KALRN: variants seen among roughly 807,000 people sequenced by gnomAD.
The protein encoded by KALRN is kalirin RhoGEF kinase.
Under a neutral mutation model 353.7 loss-of-function variants are expected in KALRN, and 70 were observed. The ratio of observed to expected loss-of-function variants is 0.20; its 90% CI spans 0.16 to 0.24. The LOEUF (loss-of-function observed/expected upper bound fraction) is 0.24, where lower values mean the gene tolerates loss of function less well. KALRN is among the 10% of genes least tolerant of loss of function. The pLI, the probability that KALRN is intolerant of heterozygous loss-of-function variation, is 1.00. For missense variants in KALRN, 2,791 were observed against 3,756.7 expected (o/e 0.74, Z 6.72); for synonymous variants, 1,391 against 1,434.8 (o/e 0.97, Z 0.69).
chr3:124,177,766 G>T (rs915940891), intron 1 of KALRN, among the ~76,000 whole-genome samples: 1 of 152,168 alleles, frequency 6.6e-6, no homozygotes, highest in Non-Finnish European at 1.5e-5. Flanking sequence ...GGGGAGGGAT[G>T]GTTCCTACCA....
At chr3:124,576,142 T>C (rs2074067915) in intron 34 of KALRN, among the ~76,000 whole-genome samples, 1 of 151,694 alleles carries the variant, frequency 6.6e-6, no homozygotes, top group African/African-American at 2.4e-5. Context: ...GTCACCTGAT[T>C]AGAGAGGTCT....
chr3:124,693,574 CCAGG>C (rs1199823075), intron 51 of KALRN, among the ~76,000 whole-genome samples: 4 of 152,082 alleles, frequency 2.6e-5, no homozygotes, highest in Admixed American at 6.5e-5. Context: ...CCGCACGCTG[CCAGG>C]CAGGAATGTG....
intron 10 of KALRN, among the ~76,000 whole-genome samples, chr3:124,383,200 C>A (rs991856937): frequency 6.6e-6 from 1 of 152,180 alleles, no homozygotes; most frequent in African/African-American, 2.4e-5. Context: ...TCCTAGAAGC[C>A]AAGACAAGTG....
chr3:124,046,157 A>G (rs1400721403), intron 1 of KALRN, among the ~76,000 whole-genome samples: 1 of 152,162 alleles, frequency 6.6e-6, no homozygotes, highest in Non-Finnish European at 1.5e-5. Context: ...AGGTCCAGTG[A>G]TTTTTTCTTT....
At chr3:124,162,617 T>C (rs763340900) in intron 1 of KALRN, 7 of 152,208 alleles carry the variant, frequency 4.6e-5, no homozygotes, top group Non-Finnish European at 1.0e-4. Context: ...CTTTGCCCTG[T>C]ACAGGGGCCA....
chr3:124,693,536 C>T (rs1230441419), intron 51 of KALRN, among the ~76,000 whole-genome samples: 1 of 152,134 alleles, frequency 6.6e-6, no homozygotes, highest in African/African-American at 2.4e-5. Flanking sequence ...GCTAGCAGAG[C>T]TCCAAGTTAC....
At chr3:124,103,483 T>C (rs2062036280) in intron 1 of KALRN, among the ~76,000 whole-genome samples, 1 of 152,170 alleles carries the variant, frequency 6.6e-6, no homozygotes, top group Non-Finnish European at 1.5e-5. Context: ...GCTCTTCACC[T>C]TGTGGACAGA....
chr3:124,353,586 T>C (rs2083063998), intron 10 of KALRN, among the ~76,000 whole-genome samples: 1 of 152,162 alleles, frequency 6.6e-6, no homozygotes. Flanking sequence ...ATTCAGTTAA[T>C]ATGCAGTGAT....
intron 5 of KALRN, among the ~76,000 whole-genome samples, chr3:124,273,079 G>A (rs916915412): frequency 2.6e-5 from 4 of 152,178 alleles, no homozygotes; most frequent in African/African-American, 9.7e-5. Flanking sequence ...GCGCAGTCTC[G>A]CCCCTGGCCT....
chr3:124,310,174 A>C (rs1056729966), intron 6 of KALRN, among the ~76,000 whole-genome samples: 2 of 152,174 alleles, frequency 1.3e-5, no homozygotes, highest in African/African-American at 2.4e-5. Context: ...TAATAGCATA[A>C]AAAAGAATAA....
intron 5 of KALRN, among the ~76,000 whole-genome samples, chr3:124,284,052 A>T (rs2075602042): frequency 6.6e-6 from 1 of 152,212 alleles, no homozygotes; most frequent in Non-Finnish European, 1.5e-5. Context: ...TTGTGTGAAA[A>T]AGATGGGAGA....
At chr3:124,388,690 G>A (rs965769438) in intron 11 of KALRN, among the ~76,000 whole-genome samples, 3 of 152,182 alleles carry the variant, frequency 2.0e-5, no homozygotes, top group African/African-American at 7.2e-5. Context: ...AATAAGAGAG[G>A]CTGGGTGGGG....
At chr3:124,705,852 C>CTT in intron 57 of KALRN, among the ~76,000 whole-genome samples, 1 of 149,708 alleles carries the variant, frequency 6.7e-6, no homozygotes, top group African/African-American at 2.5e-5. Context: ...TCCTTCCTTC[C>CTT]CTCCCTCCCT....
intron 6 of KALRN, among the ~76,000 whole-genome samples, chr3:124,305,208 G>T (rs1380980609): frequency 6.6e-6 from 1 of 152,204 alleles, no homozygotes; most frequent in Non-Finnish European, 1.5e-5. Context: ...CTGATTTCAT[G>T]TGCAACAGAG....
chr3:124,633,250 A>C (rs1371604176), intron 35 of KALRN, among the ~76,000 whole-genome samples: 1 of 152,256 alleles, frequency 6.6e-6, no homozygotes, highest in East Asian at 1.9e-4. Flanking sequence ...GGCCTTCATG[A>C]AAACTAATGA....
chr3:124,516,976 C>T (rs1397109662), intron 33 of KALRN, among the ~76,000 whole-genome samples: 2 of 152,116 alleles, frequency 1.3e-5, no homozygotes, highest in Non-Finnish European at 2.9e-5. Context: ...TGCCACCACA[C>T]CCAGCTAACT....
Position 124,474,664 on chromosome 3 carries a change from A to G in KALRN, c.4033A>G (p.Ile1345Val), listed in dbSNP as rs760825511. 16 of 1,613,798 alleles carry G rather than the reference A, an allele frequency of 9.9e-6. No homozygotes were observed. Among genetic ancestry groups the G allele is most frequent in the Non-Finnish European group, 1.4e-5 (16 of 1,179,806 alleles). ...IQEIYDFHNNIFLKELEKYEQ... is the reference protein window; with the variant it reads ...IQEIYDFHNNVFLKELEKYEQ... ...TTCAGTCTTTTTCTCCTCTTGCAGCATCTTCCTCAAAGAGCTGGAGAAGTA... is the reference window on the plus strand; with the variant it reads ...TTCAGTCTTTTTCTCCTCTTGCAGCGTCTTCCTCAAAGAGCTGGAGAAGTA... The change falls in exon 26 of 60, where the codon ATC becomes GTC. Residue 1345 changes from isoleucine to valine, a missense_variant and splice_region_variant. Ile to Val is a conservative substitution (Grantham distance 29, BLOSUM62 3). Transcript: ENST00000682506.
chr3:124,216,090 C>G (rs1277792101), intron 1 of KALRN, among the ~76,000 whole-genome samples: 1 of 152,208 alleles, frequency 6.6e-6, no homozygotes, highest in East Asian at 1.9e-4. Context: ...TCTTCCAGCT[C>G]TTAGTAGCTC....
At position 124,678,276 on chromosome 3, in the gene KALRN, A is replaced by G; in HGVS notation, c.7280A>G (p.Lys2427Arg). 1 of 1,614,046 alleles carries G rather than the reference A, an allele frequency of 6.2e-7. No individual in the cohort carries two copies. The highest frequency in any genetic ancestry group is 8.5e-7 in the Non-Finnish European group (1 of 1,179,934). ...AAAAATGAAGCCACAGGGCCTCGTAAACCCAAGGATATTCTGGGCAACAAA... is the reference window on the plus strand; with the variant it reads ...AAAAATGAAGCCACAGGGCCTCGTAGACCCAAGGATATTCTGGGCAACAAA... The part of the protein sequence containing the change: ...TGKNEATGPR[K>R]PKDILGNKVS... Residue 2427 changes from lysine (K) to arginine (R), a missense_variant, in exon 50 of 60, where the codon AAA (lysine) becomes AGA (arginine). By Grantham distance (26) the Lys-to-Arg change is conservative. This residue lies in a region of KALRN where 1,065 missense variants were observed against 1,156.4 expected (regional missense o/e 0.92). Coordinates refer to ENST00000682506, the MANE Select transcript of KALRN (RefSeq NM_001388419.1).
Sources: gnomAD v4.1 joint callset for allele counts (sites outside exome capture counted in the v4.1 genomes callset) on GRCh38, gnomAD v4.1.1 for gene constraint, gnomAD v4.1.1 regional missense constraint, MANE v1.5 for transcripts, NCBI Gene and HGNC (gene_info 2026-07-23, HGNC 2026-07-21) for gene names.